KIF1A: variants seen among roughly 807,000 people sequenced by gnomAD.
KIF1A encodes the protein kinesin-like protein KIF1A.
In KIF1A, 46 loss-of-function variants were observed where a neutral mutation model predicts 227.3. The ratio of observed to expected loss-of-function variants is 0.20; its 90% CI spans 0.16 to 0.26. The LOEUF is 0.26. Among genes scored for constraint, KIF1A ranks in the 10% least tolerant of loss-of-function variants. KIF1A has a pLI of 1.00. For synonymous variants in KIF1A, 1,022 were observed against 1,012.8 expected (o/e 1.01, Z -0.17); for missense variants, 1,683 against 2,485.9 (o/e 0.68, Z 6.87).
intron 35 of KIF1A, 63 bp downstream of exon 35, chr2:240,741,206 G>C: frequency 8.7e-7 from 1 of 1,150,220 alleles, no homozygotes; most frequent in Non-Finnish European, 1.3e-6. Flanking sequence ...TCAAGTCCTC[G>C]TCCCTCTCCG....
At chr2:240,776,739 GA>G (rs1188270904) in intron 10 of KIF1A, among the ~76,000 whole-genome samples, 1 of 152,218 alleles carries the variant, frequency 6.6e-6, no homozygotes, top group Non-Finnish European at 1.5e-5. Flanking sequence ...TGAGGCCTCT[GA>G]CCCTGGAGCC....
intron 1 of KIF1A, among the ~76,000 whole-genome samples, chr2:240,819,209 G>A (rs991682857): frequency 6.6e-6 from 1 of 152,192 alleles, no homozygotes; most frequent in Non-Finnish European, 1.5e-5. Context: ...GGAAGTCAGC[G>A]TGAGGAGCGG....
chr2:240,795,489 C>T (rs1012269519), intron 2 of KIF1A, among the ~76,000 whole-genome samples: 5 of 152,218 alleles, frequency 3.3e-5, no homozygotes, highest in African/African-American at 9.7e-5. Flanking sequence ...CATGAGGTCT[C>T]GGGTCCAGGC....
Position 240,762,747 on chromosome 2 carries a change from G to C in KIF1A, c.2088C>G (p.Asn696Lys), listed in dbSNP as rs758111969. The change falls in exon 23 of 49, where the codon AAC becomes AAG. Residue 696 changes from asparagine (N) to lysine (K), a missense_variant. Physicochemically the swap from Asn to Lys is moderately conservative, Grantham distance 94. This residue lies in a region of KIF1A where 217 missense variants were observed against 427.0 expected (regional missense o/e 0.51). Coordinates refer to ENST00000498729, the MANE Select transcript of KIF1A (RefSeq NM_001244008.2). ...QMDSRYYPEV[N>K]EEEEEPEDEV... ...CATCCTCGGGCTCCTCCTCCTCCTC[G>C]TTCACCTCCGGGTAGTACCTGGAGT... 3 of 1,595,958 alleles carry C rather than the reference G, an allele frequency of 1.9e-6. No individual in the cohort carries two copies. The African/African-American group carries it at 4.0e-5, about 21-fold the overall frequency.
intron 38 of KIF1A, among the ~76,000 whole-genome samples, chr2:240,734,926 A>G (rs1016817698): frequency 2.6e-5 from 4 of 152,132 alleles, no homozygotes; most frequent in African/African-American, 9.7e-5. Context: ...ATGGAAGGCC[A>G]AGGCCCCAGG....
intron 10 of KIF1A, among the ~76,000 whole-genome samples, chr2:240,780,347 C>T (rs1001274264): frequency 3.3e-5 from 5 of 152,016 alleles, no homozygotes; most frequent in Non-Finnish European, 5.9e-5. Flanking sequence ...ACGCGGAGCT[C>T]CAGCTCCACA....
rs1373772865 is a variant in KIF1A at position 240,811,630 on chromosome 2, C to T, written c.-61+8492G>A. Among the ~76,000 whole-genome samples the T allele has an allele frequency of 2.6e-5, 4 of 152,154 alleles. No homozygotes were observed. The East Asian group carries it at 7.7e-4, about 29-fold the overall frequency. On this transcript the variant is annotated intron_variant, in intron 1 of 48. Transcript: ENST00000498729. ...CCCTCAAAGACAGAGAGGGGCACCTCTGGGACAGGTGGGGCAGGAAGTCAT... is the reference window on the plus strand; with the variant it reads ...CCCTCAAAGACAGAGAGGGGCACCTTTGGGACAGGTGGGGCAGGAAGTCAT...
rs982355516 is a variant in KIF1A at position 240,787,167 on chromosome 2, C to T, written c.429+84G>A. On this transcript the variant is annotated intron_variant, in intron 5 of 48. Transcript: ENST00000498729. The stretch of plus-strand genomic sequence containing the variant: ...TGGGCGTGCAGACCCGTGGTGGGCA[C>T]TCACTTTGCATCAGAAAAGCACTGC... 5.3e-6 allele frequency: 6 copies of T among 1,129,450 alleles called. No homozygotes were observed. The South Asian group carries it at 6.2e-5, about 12-fold the overall frequency. The allele number at this position is 1,129,450 out of a possible 1,614,324, so 70.0% of individuals were successfully genotyped here.
At chr2:240,812,562 G>A (rs539049622) in intron 1 of KIF1A, among the ~76,000 whole-genome samples, 97 of 149,902 alleles carry the variant, frequency 6.5e-4, no homozygotes, top group Non-Finnish European at 1.2e-3. Flanking sequence ...CCTTCACCTC[G>A]GGATCCACAT....
chr2:240,762,716 C>T lies in KIF1A; in HGVS notation c.2116+3G>A, dbSNP rs1423946171. ...AGCAGGTGCTGGCCCAGTGACCCCTCACCTTCATCCTCGGGCTCCTCCTCC... is the reference window on the plus strand; with the variant it reads ...AGCAGGTGCTGGCCCAGTGACCCCTTACCTTCATCCTCGGGCTCCTCCTCC... On this transcript the variant is annotated splice_donor_region_variant and intron_variant, in intron 23 of 48. Coordinates refer to ENST00000498729, the MANE Select transcript of KIF1A (RefSeq NM_001244008.2). 1 of 1,585,620 alleles carries T rather than the reference C, an allele frequency of 6.3e-7. No individual in the cohort carries two copies. The highest frequency in any genetic ancestry group is 1.1e-5 in the South Asian group (1 of 88,132).
Position 240,763,312 on chromosome 2 carries a change from G to A in KIF1A, c.1803C>T (p.Phe601=), listed in dbSNP as rs2125906123. 1 of 1,596,122 alleles carries A rather than the reference G, an allele frequency of 6.3e-7. No homozygotes were observed. The highest frequency in any genetic ancestry group is 8.5e-7 in the Non-Finnish European group (1 of 1,171,672). Residue 601 remains phenylalanine (F), a synonymous_variant, in exon 21 of 49, where the codon TTC becomes TTT. Coordinates refer to ENST00000498729, the MANE Select transcript of KIF1A (RefSeq NM_001244008.2). The part of the protein sequence containing the change: ...NRIIMGKSHV[F]RFNHPEQARQ... ...GGGCCTGCTCGGGGTGGTTGAACCG[G>A]AACACATGGCTCTTACCCATGATGA...
chr2:240,753,449 G>C (rs909109344), intron 27 of KIF1A, among the ~76,000 whole-genome samples: 2 of 152,196 alleles, frequency 1.3e-5, no homozygotes, highest in African/African-American at 4.8e-5. Context: ...GTGGGCTCAG[G>C]CTCCAGCAGC....
At chr2:240,738,621 C>A (rs1308296662) in intron 37 of KIF1A, among the ~76,000 whole-genome samples, 1 of 152,206 alleles carries the variant, frequency 6.6e-6, no homozygotes, top group Non-Finnish European at 1.5e-5. Context: ...GAGCCCAAAC[C>A]CCTTAGCCTG....
chr2:240,753,677 T>C (rs1418687466), intron 27 of KIF1A, among the ~76,000 whole-genome samples: 1 of 152,108 alleles, frequency 6.6e-6, no homozygotes. Context: ...TGCACCCCCA[T>C]CTCCTCGCCA....
chr2:240,721,065 G>A (rs750467041), intron 44 of KIF1A, 27 bp from the exon 45 acceptor site: 1 of 1,610,422 alleles, frequency 6.2e-7, no homozygotes, highest in African/African-American at 1.3e-5. Flanking sequence ...TTTTTCAGGG[G>A]ACACAGGGAA....
intron 2 of KIF1A, among the ~76,000 whole-genome samples, chr2:240,794,086 G>T (rs1160954020): frequency 1.3e-5 from 2 of 152,178 alleles, no homozygotes; most frequent in Non-Finnish European, 2.9e-5. Context: ...GTCCTCCTGG[G>T]GCTTGTCTGG....
chr2:240,769,930 G>A (rs1463750670), intron 15 of KIF1A, among the ~76,000 whole-genome samples: 1 of 152,208 alleles, frequency 6.6e-6, no homozygotes, highest in African/African-American at 2.4e-5. Context: ...AAATCTGGAA[G>A]GAAAAGAGAA....
rs895768683 is a variant in KIF1A, at chr2:240,778,509, G to A, written c.883-2583C>T. 2.7e-5 allele frequency among the ~76,000 whole-genome samples: 2 copies of A among 75,104 alleles called. No individual in the cohort carries two copies. Among genetic ancestry groups the A allele is most frequent in the Non-Finnish European group, 5.1e-5 (2 of 39,262 alleles). The allele number at this position is 75,104 out of a possible 152,430, so 49.3% of individuals were successfully genotyped here. On this transcript the variant is annotated intron_variant, in intron 10 of 48. Transcript: ENST00000498729. The surrounding 1 kb of genome is among the most constrained non-coding windows in gnomAD (Gnocchi z 7.2). ...CAGGCGCTCGCAGCTCCCGCACAGC[G>A]TTACACACACACACACACACACACA...
At chr2:240,769,094 C>T in intron 17 of KIF1A, 39 bp downstream of exon 17, 1 of 1,554,446 alleles carries the variant, frequency 6.4e-7, no homozygotes, top group Non-Finnish European at 8.8e-7. Flanking sequence ...TGGTCCTGTT[C>T]AGATGAGGGC....
Sources: allele counts gnomAD v4.1 joint callset (sites outside exome capture counted in the v4.1 genomes callset), GRCh38; gene constraint gnomAD v4.1.1; regional missense constraint gnomAD v4.1.1; non-coding constraint Gnocchi (gnomAD v3.1); transcripts MANE v1.5; gene names NCBI Gene and HGNC (gene_info 2026-07-23, HGNC 2026-07-21).